The following RIMS1 variants were observed in gnomAD, a reference collection of about 807,000 sequenced individuals.
RIMS1 encodes regulating synaptic membrane exocytosis protein 1.
In RIMS1, 83 loss-of-function variants were observed where a neutral mutation model predicts 214.1. The ratio of observed to expected loss-of-function variants is 0.39; its 90% CI spans 0.32 to 0.47. The LOEUF (loss-of-function observed/expected upper bound fraction) is 0.47, where lower values mean the gene tolerates loss of function less well. Among genes scored for constraint, RIMS1 ranks in the 20% least tolerant of loss-of-function variants. RIMS1 has a pLI of 0.99. For synonymous variants in RIMS1, 793 were observed against 786.8 expected, an observed-to-expected ratio of 1.01 and a Z score of -0.13; for missense variants, 2,050 against 2,161.8, an observed-to-expected ratio of 0.95 and a Z score of 1.03.
intron 2 of RIMS1, among the ~76,000 whole-genome samples, chr6:72,017,166 C>T (rs942121849): frequency 6.6e-6 from 1 of 152,192 alleles, no homozygotes; most frequent in Non-Finnish European, 1.5e-5. Context: ...ATGCTTCCAT[C>T]TCTTTCTCTT....
At chr6:72,328,095 G>T (rs533787434) in intron 28 of RIMS1, among the ~76,000 whole-genome samples, 14 of 151,730 alleles carry the variant, frequency 9.2e-5, no homozygotes, top group Non-Finnish European at 1.9e-4. Flanking sequence ...AGAACATGTG[G>T]CACATATACA....
chr6:72,262,222 TATATA>T, intron 19 of RIMS1: 8 of 757,468 alleles, frequency 1.1e-5, no homozygotes, highest in Non-Finnish European at 1.1e-5. Context: ...ATTATATACT[TATATA>T]ATATTATATA....
rs1262298202 is a variant in RIMS1, at chr6:72,160,849, T to A, written c.472-18726T>A. ...GGATATTGGTCTGAAATTCTCTTTT[T>A]TTGTTGTGTCTCTGCCAGGCTTTGG... On this transcript the variant is annotated intron_variant, in intron 4 of 33. Coordinates refer to ENST00000521978, the MANE Select transcript of RIMS1 (RefSeq NM_014989.7). Among the ~76,000 whole-genome samples the A allele has an allele frequency of 1.4e-5, 2 of 140,288 alleles. 1 individual carries two copies. Among genetic ancestry groups the A allele is most frequent in the Non-Finnish European group, 3.2e-5 (2 of 61,774 alleles). 92.0% of individuals were successfully genotyped at this position (140,288 alleles called of 152,430 possible). A position where few individuals can be genotyped will look rare whatever the true frequency, so the allele number is the denominator to read the frequency against.
intron 5 of RIMS1, among the ~76,000 whole-genome samples, chr6:72,180,524 A>G (rs2048269224): frequency 1.3e-5 from 2 of 152,238 alleles, no homozygotes; most frequent in Admixed American, 1.3e-4. Flanking sequence ...GGGACAGGTT[A>G]CATTTTATAG....
At chr6:72,265,836 C>T (rs943611131) in intron 21 of RIMS1, 124 bp from the exon 22 acceptor site, 7 of 670,824 alleles carry the variant, frequency 1.0e-5, no homozygotes, top group Non-Finnish European at 1.8e-5. Flanking sequence ...TGAACTGAAT[C>T]CCAGTGATTC....
chr6:72,324,235 G>A (rs188029009), intron 28 of RIMS1, among the ~76,000 whole-genome samples: 16 of 152,104 alleles, frequency 1.1e-4, no homozygotes, highest in African/African-American at 3.4e-4. Context: ...ACATCTTGTG[G>A]TAGTTAAAAC....
chr6:71,932,833 T>C (rs1038932012), intron 1 of RIMS1, among the ~76,000 whole-genome samples: 5 of 152,034 alleles, frequency 3.3e-5, no homozygotes, highest in Non-Finnish European at 7.4e-5. Context: ...AGAAACTTCA[T>C]AAAAGTGACA....
chr6:72,082,998 A>G (rs1185738151), intron 2 of RIMS1, among the ~76,000 whole-genome samples: 2 of 152,210 alleles, frequency 1.3e-5, no homozygotes, highest in African/African-American at 4.8e-5. Flanking sequence ...AATGTAAGGT[A>G]ATGATACTTT....
At chr6:72,327,350 T>C (rs2154331309) in intron 28 of RIMS1, among the ~76,000 whole-genome samples, 1 of 151,942 alleles carries the variant, frequency 6.6e-6, no homozygotes, top group South Asian at 2.1e-4. Context: ...CCAAAATTCA[T>C]TTCTTTTTAT....
At chr6:72,230,222 G>A (rs747628334) in intron 6 of RIMS1, among the ~76,000 whole-genome samples, 1 of 151,676 alleles carries the variant, frequency 6.6e-6, no homozygotes, top group Admixed American at 6.6e-5. Flanking sequence ...ATTCATTGCT[G>A]TGTTGCTGTG....
At chr6:72,007,296 A>G (rs1449260551) in intron 2 of RIMS1, among the ~76,000 whole-genome samples, 2 of 152,230 alleles carry the variant, frequency 1.3e-5, no homozygotes, top group African/African-American at 4.8e-5. Context: ...AAAAACAGAA[A>G]GGACATCCAC....
At chr6:72,031,085 A>G (rs149646731) in intron 2 of RIMS1, among the ~76,000 whole-genome samples, 3 of 152,284 alleles carry the variant, frequency 2.0e-5, no homozygotes, top group Admixed American at 6.5e-5. Context: ...TTAACATTAT[A>G]TCTTGTAATT....
chr6:72,192,587 A>G (rs1480752825), intron 6 of RIMS1, among the ~76,000 whole-genome samples: 1 of 152,230 alleles, frequency 6.6e-6, no homozygotes, highest in African/African-American at 2.4e-5. Context: ...TAGGCGTCCT[A>G]TCAATTTCAC....
At chr6:72,036,689 A>G (rs1278834976) in intron 2 of RIMS1, among the ~76,000 whole-genome samples, 1 of 152,200 alleles carries the variant, frequency 6.6e-6, no homozygotes, top group Non-Finnish European at 1.5e-5. Flanking sequence ...CTCACTGTGC[A>G]TGACATATAG....
chr6:72,016,659 G>A (rs1812853652), intron 2 of RIMS1, among the ~76,000 whole-genome samples: 1 of 152,072 alleles, frequency 6.6e-6, no homozygotes, highest in African/African-American at 2.4e-5. Flanking sequence ...TTGCTTTTAT[G>A]GAGGATATAA....
intron 29 of RIMS1, among the ~76,000 whole-genome samples, chr6:72,373,096 C>T (rs1282439883): frequency 6.6e-6 from 1 of 152,114 alleles, no homozygotes; most frequent in Admixed American, 6.6e-5. Flanking sequence ...AGGGTTTAAC[C>T]TTACTGCACC....
chr6:72,286,842 A>G (rs372013765), intron 24 of RIMS1, among the ~76,000 whole-genome samples: 1 of 152,340 alleles, frequency 6.6e-6, no homozygotes, highest in East Asian at 1.9e-4. Flanking sequence ...TTGCTGTTTA[A>G]TGATCATAAT....
At chr6:72,063,003 G>A (rs1428543317) in intron 2 of RIMS1, among the ~76,000 whole-genome samples, 1 of 152,064 alleles carries the variant, frequency 6.6e-6, no homozygotes, top group South Asian at 2.1e-4. Flanking sequence ...CACATTCAGA[G>A]GTACTTGGGA....
At chr6:72,196,377 G>GTTTGTCTGTCTC (rs1334799674) in intron 6 of RIMS1, among the ~76,000 whole-genome samples, 2 of 143,984 alleles carry the variant, frequency 1.4e-5, no homozygotes, top group African/African-American at 5.4e-5. Flanking sequence ...CTGTCTGTCT[G>GTTTGTCTGTCTC]TCTATCTATC....
Sources: allele counts gnomAD v4.1 joint callset (sites outside exome capture counted in the v4.1 genomes callset), GRCh38; gene constraint gnomAD v4.1.1; transcripts MANE v1.5; gene names NCBI Gene and HGNC (gene_info 2026-07-23, HGNC 2026-07-21).